The following IL22RA2 variants were observed in gnomAD, a reference collection of about 807,000 sequenced individuals.
IL22RA2 encodes interleukin-22 receptor subunit alpha-2.
Under a neutral mutation model 30.7 loss-of-function variants are expected in IL22RA2, and 39 were observed. The ratio of observed to expected loss-of-function variants is 1.27; its 90% CI spans 0.98 to 1.66. The LOEUF (loss-of-function observed/expected upper bound fraction) is 1.66. Among genes scored for constraint, IL22RA2 ranks in the 40% most tolerant of loss-of-function variants. The probability of loss-of-function intolerance (pLI) is 0.00; values close to 1 mark genes in which losing one functional copy is unlikely to be tolerated. For missense variants in IL22RA2, 315 were observed against 312.7 expected (o/e 1.01, Z -0.05); for synonymous variants, 103 against 105.0 (o/e 0.98, Z 0.11).
chr6:137,169,888 G>C (rs746596021), intron 1 of IL22RA2, among the ~76,000 whole-genome samples: 12 of 152,232 alleles, frequency 7.9e-5, no homozygotes, highest in Non-Finnish European at 1.3e-4. Context: ...TGGAAAAGCT[G>C]TCATGGAAAT....
Position 137,148,417 on chromosome 6 carries a change from A to G in IL22RA2, c.473-526T>C, listed in dbSNP as rs143747571. 3.3e-5 allele frequency among the ~76,000 whole-genome samples: 5 copies of G among 152,216 alleles called. No homozygotes were observed. The East Asian group carries it at 9.7e-4, about 29-fold the overall frequency. On this transcript the variant is annotated intron_variant, in intron 5 of 6. Coordinates refer to ENST00000296980, the MANE Select transcript of IL22RA2 (RefSeq NM_052962.3). ...TGACAGTGTAGCCCTTGGAGGTTCT[A>G]AGACTTTTGTAGGGGTATTAGTTCT...
chr6:137,168,042 G>T (rs1778656104), intron 1 of IL22RA2, among the ~76,000 whole-genome samples: 1 of 152,110 alleles, frequency 6.6e-6, no homozygotes, highest in South Asian at 2.1e-4. Flanking sequence ...TGCCCAGAAA[G>T]GTGCCCATGC....
intron 2 of IL22RA2, among the ~76,000 whole-genome samples, chr6:137,160,472 G>A (rs987309449): frequency 2.0e-4 from 30 of 152,192 alleles, no homozygotes; most frequent in Non-Finnish European, 5.9e-5. Flanking sequence ...TCTGAGTGCA[G>A]AGCCTGCCAT....
intron 5 of IL22RA2, among the ~76,000 whole-genome samples, chr6:137,151,475 A>G (rs1466123323): frequency 6.6e-6 from 1 of 152,244 alleles, no homozygotes; most frequent in South Asian, 2.1e-4. Context: ...AACATAGGGT[A>G]AATCTTCATG....
At chr6:137,148,719 A>G (rs1472002858) in intron 5 of IL22RA2, among the ~76,000 whole-genome samples, 5 of 152,174 alleles carry the variant, frequency 3.3e-5, no homozygotes, top group African/African-American at 1.2e-4. Context: ...CTCCCAGGCT[A>G]TTTAATTTGG....
At chr6:137,155,211 C>T (rs1778379065) in intron 4 of IL22RA2, 92 bp from the exon 5 acceptor site, 1 of 906,714 alleles carries the variant, frequency 1.1e-6, no homozygotes, top group Non-Finnish European at 1.7e-6. Flanking sequence ...ATACCTGATT[C>T]TAGTAGCAAT....
chr6:137,156,522 C>G (rs963108102), intron 4 of IL22RA2, among the ~76,000 whole-genome samples: 4 of 152,110 alleles, frequency 2.6e-5, no homozygotes, highest in African/African-American at 9.7e-5. Context: ...AAAATAATAT[C>G]TCATTGTTTA....
intron 1 of IL22RA2, among the ~76,000 whole-genome samples, chr6:137,167,808 A>G (rs1014689222): frequency 2.6e-5 from 4 of 152,214 alleles, no homozygotes; most frequent in African/African-American, 7.2e-5. Context: ...CCCTGCTTCA[A>G]CCACACCAGA....
At chr6:137,169,411 G>A (rs191774289) in intron 1 of IL22RA2, among the ~76,000 whole-genome samples, 3 of 152,234 alleles carry the variant, frequency 2.0e-5, no homozygotes, top group Admixed American at 2.0e-4. Context: ...ATTACTAACC[G>A]ATAAATGGAC....
In IL22RA2 at chr6:137,155,109, T is replaced by A. The variant is rs1268019914; in HGVS notation, c.304A>T (p.Arg102Ter). ...CAGTCTTCTTTATTTTTCCATTGTC[T>A]CTGTCCATATCTGTAGCAGGGAAAA... is the stretch of plus-strand genomic sequence containing the variant. ...GCRTLAKYGQ[R>*]QWKNKEDCWG... The change falls in exon 5 of 7, where the codon AGA (arginine) becomes TGA (stop). Residue 102 changes from arginine (R) to a stop codon, truncating the protein, a stop_gained. Coordinates refer to ENST00000296980, the MANE Select transcript of IL22RA2 (RefSeq NM_052962.3). LOFTEE classifies it high-confidence loss of function. 1 of 1,556,944 alleles carries A rather than the reference T, an allele frequency of 6.4e-7. No homozygotes were observed. Among genetic ancestry groups the A allele is most frequent in the Non-Finnish European group, 8.7e-7 (1 of 1,151,290 alleles).
intron 3 of IL22RA2, among the ~76,000 whole-genome samples, chr6:137,157,196 G>A (rs1778423722): frequency 6.6e-6 from 1 of 152,120 alleles, no homozygotes; most frequent in Admixed American, 6.6e-5. Flanking sequence ...GGGTCCTGAA[G>A]TTTAATCTTC....
intron 4 of IL22RA2, among the ~76,000 whole-genome samples, chr6:137,156,401 A>G (rs1283944648): frequency 2.6e-5 from 4 of 152,230 alleles, no homozygotes; most frequent in African/African-American, 4.8e-5. Context: ...GTTTCATTCC[A>G]TCACAATTAA....
rs1188574153 is a variant in IL22RA2, at chr6:137,152,037, T to C, written c.472+2904A>G. Among the ~76,000 whole-genome samples, 4 of 152,092 alleles carry C rather than the reference T, an allele frequency of 2.6e-5. No homozygotes were observed. The East Asian group carries it at 7.7e-4, about 29-fold the overall frequency. ...CCCAGCAATTCCACTCCTATGTATA[T>C]ATTGAAGAGAAATATAAAGGTATGC... On this transcript the variant is annotated intron_variant, in intron 5 of 6. Coordinates refer to ENST00000296980, the MANE Select transcript of IL22RA2 (RefSeq NM_052962.3).
At chr6:137,148,123 T>G (rs975923203) in intron 5 of IL22RA2, among the ~76,000 whole-genome samples, 3 of 152,168 alleles carry the variant, frequency 2.0e-5, no homozygotes, top group Non-Finnish European at 4.4e-5. Context: ...ATCTCGAACC[T>G]TTATAAATGT....
chr6:137,145,883 T>C, intron 6 of IL22RA2, 110 bp from the exon 7 acceptor site: 1 of 1,136,520 alleles, frequency 8.8e-7, no homozygotes, highest in Non-Finnish European at 1.3e-6. Context: ...AGATGGGTTG[T>C]GGGGTTTCTT....
At chr6:137,151,491 G>A (rs1417717029) in intron 5 of IL22RA2, among the ~76,000 whole-genome samples, 1 of 152,152 alleles carries the variant, frequency 6.6e-6, no homozygotes, top group African/African-American at 2.4e-5. Flanking sequence ...TCATGATTTT[G>A]GATTTGGCAA....
At chr6:137,165,438 A>G (rs758358029) in intron 1 of IL22RA2, among the ~76,000 whole-genome samples, 4 of 152,200 alleles carry the variant, frequency 2.6e-5, no homozygotes, top group Non-Finnish European at 5.9e-5. Flanking sequence ...AGGTGTTTGT[A>G]AATCAGAAGG....
chr6:137,165,691 C>T (rs757508619), intron 1 of IL22RA2, among the ~76,000 whole-genome samples: 3 of 152,116 alleles, frequency 2.0e-5, no homozygotes, highest in Non-Finnish European at 4.4e-5. Flanking sequence ...CCAAATTTTC[C>T]GGTGCCCTTG....
chr6:137,155,583 A>G (rs371798533), intron 4 of IL22RA2, among the ~76,000 whole-genome samples: 1 of 151,988 alleles, frequency 6.6e-6, no homozygotes, highest in Non-Finnish European at 1.5e-5. Context: ...CCTCAATAAC[A>G]CATTAATTCG....
Sources: gnomAD v4.1 joint callset for allele counts (sites outside exome capture counted in the v4.1 genomes callset) on GRCh38, gnomAD v4.1.1 for gene constraint, MANE v1.5 for transcripts, NCBI Gene and HGNC (gene_info 2026-07-23, HGNC 2026-07-21) for gene names.